Variants in PDCL observed in about 807,000 individuals in gnomAD.
PDCL encodes phosducin like.
A neutral mutation model predicts 26.7 loss-of-function variants in PDCL; 11 were observed. The ratio of observed to expected loss-of-function variants is 0.41; its 90% CI spans 0.26 to 0.68. The LOEUF is 0.68. PDCL is among the 30% of genes least tolerant of loss of function. The pLI, the probability that PDCL is intolerant of heterozygous loss-of-function variation, is 0.30. For missense variants in PDCL, 330 were observed against 371.6 expected, an observed-to-expected ratio of 0.89 and a Z score of 0.92; for synonymous variants, 118 against 134.9, an observed-to-expected ratio of 0.87 and a Z score of 0.87.
rs755576055 is a variant in PDCL at position 122,826,743 on chromosome 9, G to A, written c.45C>T (p.Tyr15=). ...DDKLLGEKLQ[Y]YYSSSEDEDS... ...CCTCATCCTCACTGCTGCTATAGTA[G>A]TACTGCAGTTTCTCCCCCAGCAACT... Residue 15 remains tyrosine (Y), a synonymous_variant, in exon 2 of 4, where the codon TAC becomes TAT. Transcript: ENST00000259467. 1.2e-6 allele frequency: 2 copies of A among 1,614,100 alleles called. No individual in the cohort carries two copies. The highest frequency in any genetic ancestry group is 8.5e-7 in the Non-Finnish European group (1 of 1,180,010).
Position 122,819,774 on chromosome 9 carries a change from C to T in PDCL, c.*311G>A. ...AGAGACCTCTAAGATCATCTGAAGA[C>T]AATTTCCAAGACCCTGTCTTTAGGA... On this transcript the variant is annotated 3_prime_UTR_variant, in exon 4 of 4. Coordinates refer to ENST00000259467, the MANE Select transcript of PDCL (RefSeq NM_005388.5). 4.4e-6 allele frequency: 1 copy of T among 229,236 alleles called. No homozygotes were observed. The highest frequency in any genetic ancestry group is 8.4e-6 in the Non-Finnish European group (1 of 119,164). 14.2% of individuals were successfully genotyped at this position (229,236 alleles called of 1,614,324 possible).
chr9:122,827,593 G>A (rs1239014744), intron 1 of PDCL, among the ~76,000 whole-genome samples: 1 of 152,122 alleles, frequency 6.6e-6, no homozygotes, highest in Non-Finnish European at 1.5e-5. Context: ...TTAGCCAGGT[G>A]TGGTGGCGGG....
rs547261380 is a variant in PDCL at position 122,826,404 on chromosome 9, G to A, written c.172+212C>T. On this transcript the variant is annotated intron_variant, in intron 2 of 3. Transcript: ENST00000259467. ...AGATGCAGGATTCAAATCCAGGCCAGTCTGTGTTCATTACCATGCTGCTAT... is the reference window on the plus strand; with the variant it reads ...AGATGCAGGATTCAAATCCAGGCCAATCTGTGTTCATTACCATGCTGCTAT... Among the ~76,000 whole-genome samples, 7 of 152,264 alleles carry A rather than the reference G, an allele frequency of 4.6e-5. No homozygotes were observed. In the South Asian group the frequency reaches 1.2e-3, roughly 27 times the overall value.
rs548607299 is a variant in PDCL at position 122,820,204 on chromosome 9, C to G, written c.787G>C (p.Asp263His). ...DQLGDDFFAV[D>H]LEAFLQEFGL... ...AATTCCTGGAGAAAAGCTTCAAGGT[C>G]CACAGCAAAGAAATCATCCCCCAGC... The change falls in exon 4 of 4, where the codon GAC becomes CAC. Residue 263 changes from aspartate (D) to histidine (H), a missense_variant. By Grantham distance (81) the Asp-to-His change is moderately conservative. Transcript: ENST00000259467. 2.9e-5 allele frequency: 47 copies of G among 1,614,038 alleles called. No individual in the cohort carries two copies. In the Admixed American group the frequency reaches 7.0e-4, roughly 24 times the overall value.
chr9:122,822,909 G>T, intron 3 of PDCL, 107 bp downstream of exon 3: 2 of 1,024,278 alleles, frequency 2.0e-6, no homozygotes, highest in African/African-American at 1.6e-5. Context: ...CTCCTGCACT[G>T]CACAACTTCT....
At chr9:122,822,927 C>G in intron 3 of PDCL, 89 bp downstream of exon 3, 2 of 1,210,552 alleles carry the variant, frequency 1.7e-6, no homozygotes, top group Non-Finnish European at 2.4e-6. Flanking sequence ...TCTTGGAGGT[C>G]AAATCAAGCA....
rs1829513041 is a variant in PDCL, at chr9:122,818,497, G to C, written c.*1588C>G. ...AAAAAGACTGAAAGGAAATAAGCTA[G>C]ACTAACAATACTTCCCTGCTTCTAA... On this transcript the variant is annotated 3_prime_UTR_variant, in exon 4 of 4. Coordinates refer to ENST00000259467, the MANE Select transcript of PDCL (RefSeq NM_005388.5). 6.6e-6 allele frequency: 1 copy of C among 151,404 alleles called. No individual in the cohort carries two copies. Among genetic ancestry groups the C allele is most frequent in the Admixed American group, 6.6e-5 (1 of 15,176 alleles). The allele number at this position is 151,404 out of a possible 1,614,324, so 9.4% of individuals were successfully genotyped here.
At position 122,823,193 on chromosome 9, in the gene PDCL, T is replaced by C; in HGVS notation, c.177A>G (p.Pro59=). ...GGCGCCAGTCATTGATCACACCTTT[T>C]GGGCCTGAGTAGGGTGAACACGGAT... ...AGEGISVNTG[P]KGVINDWRRF... Residue 59 remains proline, a synonymous_variant, in exon 3 of 4, where the codon CCA becomes CCG. Transcript: ENST00000259467. 1 of 1,614,020 alleles carries C rather than the reference T, an allele frequency of 6.2e-7. No homozygotes were observed. Among genetic ancestry groups the C allele is most frequent in the Admixed American group, 1.7e-5 (1 of 60,010 alleles).
intron 3 of PDCL, 126 bp downstream of exon 3, chr9:122,822,890 C>A: frequency 1.2e-6 from 1 of 825,564 alleles, no homozygotes. Context: ...TGACAGGGCT[C>A]TATGATTTCT....
intron 3 of PDCL, among the ~76,000 whole-genome samples, chr9:122,821,548 C>T (rs552427171): frequency 2.1e-4 from 32 of 152,120 alleles, no homozygotes; most frequent in African/African-American, 6.7e-4. Context: ...AGACTTAGCA[C>T]GATTATAAGT....
chr9:122,825,034 C>T (rs571755871), intron 2 of PDCL, among the ~76,000 whole-genome samples: 5 of 152,236 alleles, frequency 3.3e-5, no homozygotes, highest in East Asian at 1.9e-4. Flanking sequence ...ACTGAAACAA[C>T]TGAGTAGCAA....
At chr9:122,824,131 T>C (rs1057491454) in intron 2 of PDCL, among the ~76,000 whole-genome samples, 1 of 152,204 alleles carries the variant, frequency 6.6e-6, no homozygotes, top group African/African-American at 2.4e-5. Flanking sequence ...GTTCTGTTAT[T>C]CCAGCTACCC....
chr9:122,825,035 T>C (rs987176621), intron 2 of PDCL, among the ~76,000 whole-genome samples: 4 of 152,020 alleles, frequency 2.6e-5, no homozygotes, highest in Non-Finnish European at 5.9e-5. Flanking sequence ...CTGAAACAAC[T>C]GAGTAGCAAT....
At chr9:122,824,785 C>T (rs1374723467) in intron 2 of PDCL, among the ~76,000 whole-genome samples, 4 of 152,044 alleles carry the variant, frequency 2.6e-5, no homozygotes, top group South Asian at 2.1e-4. Flanking sequence ...CATATGTGTC[C>T]GGCTCCTAAA....
At position 122,819,397 on chromosome 9, in the gene PDCL, G is replaced by C. The variant is rs2131360746; in HGVS notation, c.*688C>G. The C allele has an allele frequency of 6.6e-6, 1 of 152,150 alleles. No individual in the cohort carries two copies. The highest frequency in any genetic ancestry group is 1.5e-5 in the Non-Finnish European group (1 of 67,998). 9.4% of individuals were successfully genotyped at this position (152,150 alleles called of 1,614,324 possible). A position where few individuals can be genotyped will look rare whatever the true frequency, so the allele number is the denominator to read the frequency against. On this transcript the variant is annotated 3_prime_UTR_variant, in exon 4 of 4. Transcript: ENST00000259467. ...GACAAGCAGGGGCATCTTACTGAAA[G>C]AACTTCCTTTACAAAGATTTCCAGC...
At chr9:122,825,926 T>G (rs1829618870) in intron 2 of PDCL, among the ~76,000 whole-genome samples, 2 of 152,128 alleles carry the variant, frequency 1.3e-5, no homozygotes, top group Non-Finnish European at 2.9e-5. Context: ...CTGGGCACGG[T>G]GGCAAGCGCC....
At chr9:122,823,417 T>A (rs534000910) in intron 2 of PDCL, among the ~76,000 whole-genome samples, 2 of 152,130 alleles carry the variant, frequency 1.3e-5, no homozygotes, top group African/African-American at 4.8e-5. Flanking sequence ...AGGAGATGAG[T>A]TTAAAAAATT....
chr9:122,820,706 G>A (rs1038995085), intron 3 of PDCL, 70 bp from the exon 4 acceptor site: 71 of 1,337,524 alleles, frequency 5.3e-5, no homozygotes, highest in Non-Finnish European at 6.3e-5. Flanking sequence ...AATATGGGCC[G>A]GGCGCGGTGG....
Position 122,826,690 on chromosome 9 carries a change from C to A in PDCL, c.98G>T (p.Gly33Val), listed in dbSNP as rs986639244. ...EDSDHEDKDR[G>V]RCAPASSSVP... Reference sequence around the variant, plus strand: ...AGAACTGCTGGCTGGGGCACATCTGCCTCGGTCCTTGTCCTCGTGGTCACT... The same window carrying A: ...AGAACTGCTGGCTGGGGCACATCTGACTCGGTCCTTGTCCTCGTGGTCACT... Residue 33 changes from glycine to valine, a missense_variant, in exon 2 of 4, where the codon GGC becomes GTC. Coordinates refer to ENST00000259467, the MANE Select transcript of PDCL (RefSeq NM_005388.5). 6.2e-7 allele frequency: 1 copy of A among 1,614,204 alleles called. No homozygotes were observed. Among genetic ancestry groups the A allele is most frequent in the Non-Finnish European group, 8.5e-7 (1 of 1,180,046 alleles).
Sources: gnomAD v4.1 joint callset for allele counts (sites outside exome capture counted in the v4.1 genomes callset) on GRCh38, gnomAD v4.1.1 for gene constraint, MANE v1.5 for transcripts, NCBI Gene and HGNC (gene_info 2026-07-23, HGNC 2026-07-21) for gene names.